MYO18B: variants seen among roughly 807,000 people sequenced by gnomAD.
MYO18B encodes unconventional myosin-XVIIIb.
Under a neutral mutation model 273.0 loss-of-function variants are expected in MYO18B, and 204 were observed. The observed-to-expected ratio is 0.75, with a 90% CI of 0.67 to 0.84. MYO18B has a LOEUF of 0.84. Ranked by LOEUF, MYO18B falls within the 40% of genes least tolerant of loss-of-function variation. MYO18B has a pLI of 0.00. For missense variants in MYO18B, 3,212 were observed against 3,287.6 expected (o/e 0.98, Z 0.56); for synonymous variants, 1,330 against 1,305.7 (o/e 1.02, Z -0.40).
chr22:25,802,961 T>G (rs2088285063), intron 12 of MYO18B, among the ~76,000 whole-genome samples: 2 of 136,536 alleles, frequency 1.5e-5, no homozygotes, highest in South Asian at 4.8e-4. Flanking sequence ...CTTTCTTTTT[T>G]CTTTCTTTTT....
At chr22:26,060,196 C>A in the MYO18B span, among the ~76,000 whole-genome samples, 1 of 152,202 alleles carries the variant, frequency 6.6e-6, no homozygotes, top group East Asian at 1.9e-4. Context: ...ATAGTTTCAT[C>A]AGAACATATA....
intron 39 of MYO18B, among the ~76,000 whole-genome samples, chr22:25,969,341 G>A (rs2093011697): frequency 6.6e-6 from 1 of 152,184 alleles, no homozygotes; most frequent in African/African-American, 2.4e-5. Context: ...CAGATTTGTG[G>A]TAAGTAAAAG....
intron 40 of MYO18B, among the ~76,000 whole-genome samples, chr22:25,998,103 A>G (rs986596240): frequency 1.3e-5 from 2 of 152,202 alleles, no homozygotes; most frequent in Non-Finnish European, 2.9e-5. Context: ...CAGGCCTTCC[A>G]GGCTGGAAAC....
At chr22:25,824,613 C>A (rs2089419930) in intron 13 of MYO18B, among the ~76,000 whole-genome samples, 1 of 151,938 alleles carries the variant, frequency 6.6e-6, no homozygotes, top group Non-Finnish European at 1.5e-5. Context: ...GATTTTGGGG[C>A]CCATCTCTTG....
Position 25,821,114 on chromosome 22 carries a change from T to C in MYO18B, c.2522-2391T>C, listed in dbSNP as rs181582290. On this transcript the variant is annotated intron_variant, in intron 12 of 43. Transcript: ENST00000335473. ...GGTTGATTCCCTCTCCTGGCTACGGTGAATCATGCTACAGTAAACATGGGG... is the reference window on the plus strand; with the variant it reads ...GGTTGATTCCCTCTCCTGGCTACGGCGAATCATGCTACAGTAAACATGGGG... Among the ~76,000 whole-genome samples, 157 of 152,348 alleles carry C rather than the reference T, an allele frequency of 1.0e-3. 1 individual carries two copies. The highest frequency in any genetic ancestry group is 3.7e-3 in the African/African-American group (153 of 41,580).
the MYO18B span, among the ~76,000 whole-genome samples, chr22:26,043,106 T>C: frequency 1.3e-5 from 2 of 152,358 alleles, no homozygotes; most frequent in African/African-American, 2.4e-5. Flanking sequence ...TGTATCGTCA[T>C]AGGTTATTTT....
chr22:26,017,960 CTGTTT>C (rs375415968), intron 42 of MYO18B, among the ~76,000 whole-genome samples: 5,709 of 86,290 alleles, frequency 0.066, 456 homozygotes, highest in Middle Eastern at 0.081. Flanking sequence ...TCCAATTTTA[CTGTTT>C]TGTTTTTTTT....
At chr22:25,916,756 G>A (rs994997855) in intron 33 of MYO18B, among the ~76,000 whole-genome samples, 3 of 152,216 alleles carry the variant, frequency 2.0e-5, no homozygotes, top group African/African-American at 7.2e-5. Context: ...GTGTGGCTGG[G>A]CACAGTGGCT....
At chr22:25,887,482 A>G (rs1295184509) in intron 25 of MYO18B, among the ~76,000 whole-genome samples, 3 of 152,130 alleles carry the variant, frequency 2.0e-5, no homozygotes, top group Admixed American at 2.0e-4. Context: ...ATTGTCCCTC[A>G]ATAGAAAGAA....
intron 7 of MYO18B, among the ~76,000 whole-genome samples, chr22:25,776,312 T>G (rs376671278): frequency 2.6e-5 from 4 of 152,328 alleles, no homozygotes; most frequent in East Asian, 1.9e-4. Context: ...TAAAACGTTT[T>G]CTGGGACATG....
chr22:26,033,832 C>CT (rs1450724063), downstream of MYO18B, among the ~76,000 whole-genome samples: 16 of 110,276 alleles, frequency 1.5e-4, no homozygotes, highest in East Asian at 3.3e-3. Context: ...TCCCTTCCTT[C>CT]TTTCTTTCTT....
Position 25,856,866 on chromosome 22 carries a change from C to T in MYO18B, c.3885+5287C>T, listed in dbSNP as rs557046331. The stretch of plus-strand genomic sequence containing the variant: ...CTCCTCTGAAGGGTTTCAGCAGGGG[C>T]GTGGCATAGCAGACCTGATCTTTGT... On this transcript the variant is annotated intron_variant, in intron 21 of 43. Transcript: ENST00000335473. Among the ~76,000 whole-genome samples, 7 of 152,188 alleles carry T rather than the reference C, an allele frequency of 4.6e-5. No homozygotes were observed. In the South Asian group the frequency reaches 6.2e-4, roughly 14 times the overall value.
In MYO18B at chr22:25,981,414, C is replaced by T. The variant is rs529584274; in HGVS notation, c.6157-10949C>T. Among the ~76,000 whole-genome samples, 8 of 152,284 alleles carry T rather than the reference C, an allele frequency of 5.3e-5. No homozygotes were observed. In the South Asian group the frequency reaches 1.5e-3, roughly 28 times the overall value. On this transcript the variant is annotated intron_variant, in intron 39 of 43. Coordinates refer to ENST00000335473, the MANE Select transcript of MYO18B (RefSeq NM_032608.7). ...ATTCACACCCCAGTGTTTTCACCTC[C>T]CATACTGCATCAGAGTTGTTCTGTG...
intron 43 of MYO18B, among the ~76,000 whole-genome samples, chr22:26,028,015 G>C (rs1327596079): frequency 1.3e-5 from 2 of 152,098 alleles, no homozygotes; most frequent in Non-Finnish European, 2.9e-5. Flanking sequence ...AGGCCAAGGC[G>C]GGTGGATCAC....
chr22:25,932,448 G>A (rs988542465), intron 34 of MYO18B, among the ~76,000 whole-genome samples: 9 of 136,382 alleles, frequency 6.6e-5, no homozygotes, highest in East Asian at 2.1e-4. Context: ...TGCTCTTGTC[G>A]CCCAGGCTGG....
At chr22:25,881,257 G>A (rs756694832) in intron 25 of MYO18B, among the ~76,000 whole-genome samples, 1 of 152,216 alleles carries the variant, frequency 6.6e-6, no homozygotes, top group Non-Finnish European at 1.5e-5. Context: ...AGTTGGCCAC[G>A]GAGAAGGCAG....
chr22:25,947,652 A>T, intron 35 of MYO18B, 60 bp from the exon 36 acceptor site: 1 of 1,298,048 alleles, frequency 7.7e-7, no homozygotes, highest in Admixed American at 1.8e-5. Flanking sequence ...CTTCCTCTGG[A>T]CCTTGCTGCC....
intron 41 of MYO18B, among the ~76,000 whole-genome samples, chr22:26,003,689 C>T (rs1234290887): frequency 2.0e-5 from 3 of 152,106 alleles, no homozygotes; most frequent in Admixed American, 6.6e-5. Flanking sequence ...CCTATGTGTA[C>T]GTGATTCCTT....
intron 21 of MYO18B, 87 bp from the exon 22 acceptor site, chr22:25,868,233 G>T: frequency 9.0e-7 from 1 of 1,109,364 alleles, no homozygotes; most frequent in Non-Finnish European, 1.3e-6. Flanking sequence ...CCGTCCTGGC[G>T]CATCAGCCAT....
Sources: allele counts gnomAD v4.1 joint callset (sites outside exome capture counted in the v4.1 genomes callset), GRCh38; gene constraint gnomAD v4.1.1; transcripts MANE v1.5; gene names NCBI Gene and HGNC (gene_info 2026-07-23, HGNC 2026-07-21).